Variants in OTOF observed in about 807,000 individuals in gnomAD.
OTOF encodes fer-1-like family member 2.
OTOF carries 218 observed loss-of-function variants against 236.8 expected under a neutral mutation model. The ratio of observed to expected loss-of-function variants is 0.92; its 90% CI spans 0.82 to 1.03. OTOF has a LOEUF of 1.03. OTOF is among the 50% of genes least tolerant of loss of function. The pLI is 0.00. For missense variants in OTOF, 2,590 were observed against 2,694.4 expected (o/e 0.96, Z 0.86); for synonymous variants, 1,041 against 1,072.5 (o/e 0.97, Z 0.57).
chr2:26,491,083 C>G (rs577952963), intron 9 of OTOF, among the ~76,000 whole-genome samples: 173 of 152,184 alleles, frequency 1.1e-3, no homozygotes, highest in African/African-American at 4.1e-3. Context: ...GAAGACACAG[C>G]CTTTCAGCCA....
chr2:26,491,549 G>GAGTT (rs1205150298), intron 9 of OTOF, among the ~76,000 whole-genome samples: 1 of 152,188 alleles, frequency 6.6e-6, no homozygotes, highest in African/African-American at 2.4e-5. Context: ...AACAAAGACA[G>GAGTT]AGTTGGGCTG....
rs1410167388 is a variant in OTOF, at chr2:26,461,231, T to C, written c.5534-201A>G. On this transcript the variant is annotated intron_variant, in intron 43 of 46. Transcript: ENST00000272371. This position sits in a 1 kb window ranked among gnomAD's most constrained non-coding sequence, Gnocchi z 6.2. ...TGCTAGGCAGCCCCAGCCCCCATGC[T>C]TTACTCAGGTCCTTCTTTCACCCCA... 6.6e-6 allele frequency among the ~76,000 whole-genome samples: 1 copy of C among 152,134 alleles called. No individual in the cohort carries two copies.
rs768161227 is a variant in OTOF at position 26,480,996 on chromosome 2, T to G, written c.1593A>C (p.Thr531=). The change falls in exon 15 of 47, where the codon ACA becomes ACC. Residue 531 remains threonine (T), a synonymous_variant. Transcript: ENST00000272371. ...ACATGTTCACCCAGGCTGGGCCCAG[T>G]GTGGGCAGGAAGCCTGTGGCAGTGG... ...SNDGDKGFLP[T]LGPAWVNMYG... 26 of 1,612,200 alleles carry G rather than the reference T, an allele frequency of 1.6e-5. No individual in the cohort carries two copies.
chr2:26,467,522 A>AGCAGAAATGAGCAGAGCAGAAAAT, intron 33 of OTOF, 21 bp from the exon 34 acceptor site: 1 of 1,611,598 alleles, frequency 6.2e-7, no homozygotes, highest in Non-Finnish European at 8.5e-7. Flanking sequence ...GCAGAAAAGG[A>AGCAGAAATGAGCAGAGCAGAAAAT]GGTGGAGCAG....
intron 2 of OTOF, among the ~76,000 whole-genome samples, chr2:26,536,377 T>G (rs954425992): frequency 6.6e-6 from 1 of 152,104 alleles, no homozygotes; most frequent in African/African-American, 2.4e-5. Context: ...CTCTAGTGAT[T>G]CACTTTAAAT....
chr2:26,534,957 T>C (rs1209555520), intron 2 of OTOF, among the ~76,000 whole-genome samples: 1 of 152,238 alleles, frequency 6.6e-6, no homozygotes, highest in Non-Finnish European at 1.5e-5. Flanking sequence ...CAGGGAAGTT[T>C]ACAACTTGTC....
intron 1 of OTOF, among the ~76,000 whole-genome samples, chr2:26,548,035 T>C (rs1378261109): frequency 1.3e-5 from 2 of 152,228 alleles, no homozygotes; most frequent in Non-Finnish European, 2.9e-5. Flanking sequence ...TTCAAAAGAT[T>C]TATTCATTTC....
At chr2:26,554,267 G>C (rs924060423) in intron 1 of OTOF, among the ~76,000 whole-genome samples, 1 of 151,892 alleles carries the variant, frequency 6.6e-6, no homozygotes, top group Non-Finnish European at 1.5e-5. Flanking sequence ...AAGGTTCTTG[G>C]TTCTTGGCCC....
chr2:26,463,461 C>T (rs748640591), intron 41 of OTOF, 22 bp downstream of exon 41: 5 of 1,565,622 alleles, frequency 3.2e-6, no homozygotes, highest in African/African-American at 2.7e-5. Flanking sequence ...AAGGGAGTAG[C>T]GCTGGGCCCC....
intron 35 of OTOF, 41 bp downstream of exon 35, chr2:26,467,058 G>C (rs1277672604): frequency 6.2e-7 from 1 of 1,608,642 alleles, no homozygotes; most frequent in African/African-American, 1.3e-5. Context: ...GGGGGCAAGG[G>C]CTGGCGGGTG....
chr2:26,547,693 G>A (rs1300010798), intron 1 of OTOF, among the ~76,000 whole-genome samples: 1 of 152,076 alleles, frequency 6.6e-6, no homozygotes, highest in African/African-American at 2.4e-5. Context: ...AAAATTAGCC[G>A]GGCGTGGTGG....
At chr2:26,547,656 T>G (rs989661032) in intron 1 of OTOF, among the ~76,000 whole-genome samples, 1 of 152,106 alleles carries the variant, frequency 6.6e-6, no homozygotes, top group Non-Finnish European at 1.5e-5. Context: ...GCCAACATGG[T>G]GAAACCCTGT....
chr2:26,479,883 T>G (rs1177116362), intron 16 of OTOF, among the ~76,000 whole-genome samples: 24 of 152,240 alleles, frequency 1.6e-4, no homozygotes, highest in Non-Finnish European at 3.4e-4. Flanking sequence ...GCCCAGGCTG[T>G]GGCCTGAGTT....
rs4416176 is a variant in OTOF at position 26,459,778 on chromosome 2, T to C, written c.*17+230A>G. Among the ~76,000 whole-genome samples, 17,990 of 152,228 alleles carry C rather than the reference T, an allele frequency of 0.12. 2,231 individuals carry two copies. Among genetic ancestry groups the C allele is most frequent in the East Asian group, 0.64 (3,300 of 5,162 alleles). On this transcript the variant is annotated intron_variant, in intron 46 of 46. Transcript: ENST00000272371. ...CTAGTTCTGAGAGTCTATTCTGTCA[T>C]GAAAGCTTGAAAGTTGCTGTGCATG...
intron 18 of OTOF, among the ~76,000 whole-genome samples, chr2:26,478,664 C>T (rs1447901730): frequency 6.7e-6 from 1 of 149,856 alleles, no homozygotes; most frequent in Non-Finnish European, 1.5e-5. Flanking sequence ...CCCCATTTCC[C>T]TTCCCTAGCC....
In OTOF at chr2:26,460,509, G is replaced by T; in HGVS notation, c.5813+138C>A. ...AAGGGACGTTGTGGGATTCAGGGTT[G>T]GCAGAGGGCAGGGAGGAGGCTCCCC... On this transcript the variant is annotated intron_variant, in intron 45 of 46. Transcript: ENST00000272371. This position sits in a 1 kb window ranked among gnomAD's most constrained non-coding sequence, Gnocchi z 5.3. 2.7e-6 allele frequency: 2 copies of T among 738,884 alleles called. No homozygotes were observed. The highest frequency in any genetic ancestry group is 4.7e-6 in the Non-Finnish European group (2 of 421,706). 45.8% of individuals were successfully genotyped at this position (738,884 alleles called of 1,614,324 possible).
intron 9 of OTOF, among the ~76,000 whole-genome samples, 180 bp from the exon 10 acceptor site, chr2:26,489,920 G>A (rs549250626): frequency 6.6e-6 from 1 of 152,330 alleles, no homozygotes; most frequent in South Asian, 2.1e-4. Flanking sequence ...GTGGTGGGTG[G>A]TAGGAAGCAG....
At chr2:26,553,692 G>A (rs146007971) in intron 1 of OTOF, among the ~76,000 whole-genome samples, 12 of 151,972 alleles carry the variant, frequency 7.9e-5, no homozygotes, top group South Asian at 2.1e-4. Flanking sequence ...CTTAAATACC[G>A]CCCATTTCCC....
chr2:26,479,786 T>C (rs1665479034), intron 16 of OTOF, 133 bp from the exon 17 acceptor site: 1 of 831,964 alleles, frequency 1.2e-6, no homozygotes, highest in Non-Finnish European at 1.9e-6. Flanking sequence ...ACGTGACACA[T>C]CATTAGCCAG....
Sources: allele counts gnomAD v4.1 joint callset (sites outside exome capture counted in the v4.1 genomes callset), GRCh38; gene constraint gnomAD v4.1.1; non-coding constraint Gnocchi (gnomAD v3.1); transcripts MANE v1.5; gene names NCBI Gene and HGNC (gene_info 2026-07-23, HGNC 2026-07-21).